CHD7: variants seen among roughly 807,000 people sequenced by gnomAD.
The protein encoded by CHD7 is chromodomain helicase DNA binding protein 7.
Under a neutral mutation model 307.3 loss-of-function variants are expected in CHD7, and 24 were observed. The observed-to-expected ratio is 0.08, with a 90% CI of 0.06 to 0.11. CHD7 has a LOEUF of 0.11. Ranked by LOEUF, CHD7 falls within the 10% of genes least tolerant of loss-of-function variation. The probability of loss-of-function intolerance (pLI) is 1.00; values close to 1 mark genes in which losing one functional copy is unlikely to be tolerated. For missense variants in CHD7, 3,106 were observed against 3,727.1 expected (o/e 0.83, Z 4.34); for synonymous variants, 1,363 against 1,349.9 (o/e 1.01, Z -0.21).
chr8:60,846,640 G>A (rs1044931761), intron 23 of CHD7, among the ~76,000 whole-genome samples: 1 of 152,260 alleles, frequency 6.6e-6, no homozygotes, highest in Non-Finnish European at 1.5e-5. Context: ...AAGGCAGGAT[G>A]TAAATAAGTA....
At position 60,819,959 on chromosome 8, in the gene CHD7, C is replaced by G. The variant is rs79276682; in HGVS notation, c.2614-48C>G. 3,124 of 1,246,588 alleles carry G rather than the reference C, an allele frequency of 2.5e-3. 59 individuals carry two copies. In the African/African-American group the frequency reaches 0.04, roughly 16 times the overall value. The allele number at this position is 1,246,588 out of a possible 1,614,324, so 77.2% of individuals were successfully genotyped here. A position where few individuals can be genotyped will look rare whatever the true frequency, so the allele number is the denominator to read the frequency against. Reference sequence around the variant, plus strand: ...GGTGAAAAGTGGAATAGTATTTCATCTTAGGAAATAAGTAAACCTTTAACT... The same window carrying G: ...GGTGAAAAGTGGAATAGTATTTCATGTTAGGAAATAAGTAAACCTTTAACT... On this transcript the variant is annotated intron_variant, in intron 8 of 37. Transcript: ENST00000423902.
intron 12 of CHD7, among the ~76,000 whole-genome samples, chr8:60,823,389 CTATA>C (rs200859733): frequency 0.026 from 3,144 of 120,470 alleles, 109 homozygotes; most frequent in African/African-American, 0.098. Context: ...TATGTTTTTG[CTATA>C]TATAGATAGA....
intron 1 of CHD7, among the ~76,000 whole-genome samples, chr8:60,738,715 G>A (rs1013393071): frequency 1.3e-5 from 2 of 152,146 alleles, no homozygotes; most frequent in African/African-American, 4.8e-5. Context: ...GCAGGAAGGC[G>A]TTGGTGGCTG....
chr8:60,766,175 G>A (rs906102371), intron 2 of CHD7, among the ~76,000 whole-genome samples: 2 of 152,250 alleles, frequency 1.3e-5, no homozygotes, highest in African/African-American at 4.8e-5. Context: ...GGGTGGCCAT[G>A]GAGATATTTT....
chr8:60,838,890 G>A (rs1253981504), intron 19 of CHD7, among the ~76,000 whole-genome samples: 1 of 152,172 alleles, frequency 6.6e-6, no homozygotes, highest in East Asian at 1.9e-4. Flanking sequence ...TCTCAGTGAG[G>A]CCCACTCTGT....
At chr8:60,779,870 T>G (rs1405873085) in intron 2 of CHD7, among the ~76,000 whole-genome samples, 1 of 152,164 alleles carries the variant, frequency 6.6e-6, no homozygotes, top group Admixed American at 6.5e-5. Context: ...TGGCGGTGTC[T>G]TCAACTATAA....
chr8:60,836,358 A>T, intron 16 of CHD7, 75 bp downstream of exon 16: 1 of 1,239,366 alleles, frequency 8.1e-7, no homozygotes, highest in Non-Finnish European at 1.1e-6. Flanking sequence ...AGTCCACCTA[A>T]AAGTGGAATC....
At chr8:60,805,815 A>AT (rs1218439846) in intron 6 of CHD7, among the ~76,000 whole-genome samples, 1 of 152,196 alleles carries the variant, frequency 6.6e-6, no homozygotes, top group Non-Finnish European at 1.5e-5. Context: ...TTTATAACAT[A>AT]TATATCAGTT....
chr8:60,758,189 G>A (rs1809989285), intron 2 of CHD7, among the ~76,000 whole-genome samples: 1 of 151,970 alleles, frequency 6.6e-6, no homozygotes, highest in South Asian at 2.1e-4. Flanking sequence ...AGGCTGGAGT[G>A]CAGTGGCATG....
At chr8:60,719,190 G>A (rs78658871) in intron 1 of CHD7, among the ~76,000 whole-genome samples, 1 of 152,214 alleles carries the variant, frequency 6.6e-6, no homozygotes, top group Non-Finnish European at 1.5e-5. Context: ...ACACTATTTG[G>A]ATATGGGAAA....
chr8:60,808,694 A>G (rs1399408972), intron 7 of CHD7: 1 of 159,546 alleles, frequency 6.3e-6, no homozygotes, highest in Admixed American at 6.4e-5. Context: ...GACATCACTC[A>G]GGTTCTAAAA....
rs891227803 is a variant in CHD7, at chr8:60,856,427, G to A, written c.7165-18G>A. ...TTTTGGCTCACTGCAACTCTGTTCTGTTGGAATTTTTCAATAGGAAGATGC... is the reference window on the plus strand; with the variant it reads ...TTTTGGCTCACTGCAACTCTGTTCTATTGGAATTTTTCAATAGGAAGATGC... On this transcript the variant is annotated intron_variant, in intron 33 of 37. Coordinates refer to ENST00000423902, the MANE Select transcript of CHD7 (RefSeq NM_017780.4). The A allele has an allele frequency of 2.5e-6, 4 of 1,596,316 alleles. No individual in the cohort carries two copies. The highest frequency in any genetic ancestry group is 1.1e-5 in the South Asian group (1 of 88,380).
chr8:60,788,146 C>A (rs1000370397), intron 3 of CHD7, among the ~76,000 whole-genome samples: 4 of 151,212 alleles, frequency 2.6e-5, no homozygotes, highest in Non-Finnish European at 4.4e-5. Context: ...TTTTTTGAGA[C>A]AGGGTCTTGC....
At chr8:60,748,145 A>G (rs938197711) in intron 2 of CHD7, among the ~76,000 whole-genome samples, 1 of 152,166 alleles carries the variant, frequency 6.6e-6, no homozygotes, top group African/African-American at 2.4e-5. Flanking sequence ...ATGCCATGAA[A>G]AGCACACTGT....
chr8:60,856,080 G>T lies in CHD7; in HGVS notation c.7042G>T (p.Gly2348Cys). Residue 2348 changes from glycine (G) to cysteine (C), a missense_variant, in exon 33 of 38, where the codon GGT becomes TGT. Physicochemically the swap from Gly to Cys is radical, Grantham distance 159. Coordinates refer to ENST00000423902, the MANE Select transcript of CHD7 (RefSeq NM_017780.4). ...QMFDFQGLIP[G>C]YTPTTVDSPL... ...GTTTGATTTCCAAGGCCTCATCCCA[G>T]GTTACACACCCACCACAGTGGACAG... 1 of 1,611,650 alleles carries T rather than the reference G, an allele frequency of 6.2e-7. No homozygotes were observed. The highest frequency in any genetic ancestry group is 2.2e-5 in the East Asian group (1 of 44,842).
At chr8:60,820,492 T>C (rs1275188818) in intron 9 of CHD7, among the ~76,000 whole-genome samples, 1 of 152,210 alleles carries the variant, frequency 6.6e-6, no homozygotes, top group Admixed American at 6.5e-5. Flanking sequence ...GTGAAGTTGA[T>C]GAATTCATTT....
At position 60,823,853 on chromosome 8, in the gene CHD7, A is replaced by G; in HGVS notation, c.3215A>G (p.Lys1072Arg). ...TTGTTCTTATAGGGTCGAGTGATAA[A>G]GGGGTCCTATAAGTTTCATGCCATC... ...YFKDPQGRVI[K>R]GSYKFHAIIT... Residue 1072 changes from lysine (K) to arginine (R), a missense_variant, in exon 13 of 38, where the codon AAG becomes AGG. By Grantham distance (26) the Lys-to-Arg change is conservative. Around this residue, in one of 10 missense-constraint regions of CHD7, gnomAD observed 232 missense variants for 422.5 expected, o/e 0.55. Transcript: ENST00000423902. 1 of 1,613,472 alleles carries G rather than the reference A, an allele frequency of 6.2e-7. No individual in the cohort carries two copies.
intron 15 of CHD7, among the ~76,000 whole-genome samples, chr8:60,834,563 G>T (rs550774627): frequency 1.3e-5 from 2 of 152,220 alleles, no homozygotes; most frequent in South Asian, 4.1e-4. Flanking sequence ...ACAGCATTTT[G>T]CTCTTTACTC....
intron 1 of CHD7, among the ~76,000 whole-genome samples, chr8:60,716,941 G>A (rs555718564): frequency 6.6e-6 from 1 of 152,192 alleles, no homozygotes; most frequent in South Asian, 2.1e-4. Flanking sequence ...ACACTATAGT[G>A]GCTTTCAGAA....
Sources: allele counts gnomAD v4.1 joint callset (sites outside exome capture counted in the v4.1 genomes callset), GRCh38; gene constraint gnomAD v4.1.1; regional missense constraint gnomAD v4.1.1; transcripts MANE v1.5; gene names NCBI Gene and HGNC (gene_info 2026-07-23, HGNC 2026-07-21).